Variants in TTLL5 observed in about 807,000 individuals in gnomAD.
TTLL5 encodes the protein tubulin polyglutamylase TTLL5.
Under a neutral mutation model 168.4 loss-of-function variants are expected in TTLL5, and 132 were observed. The ratio of observed to expected loss-of-function variants is 0.78; its 90% CI spans 0.68 to 0.91. TTLL5 has a LOEUF of 0.91. Ranked by LOEUF, TTLL5 falls within the 40% of genes least tolerant of loss-of-function variation. The probability of loss-of-function intolerance (pLI) is 0.00; values close to 1 mark genes in which losing one functional copy is unlikely to be tolerated. For missense variants in TTLL5, 1,545 were observed against 1,581.5 expected (o/e 0.98, Z 0.39); for synonymous variants, 546 against 558.6 (o/e 0.98, Z 0.32).
intron 28 of TTLL5, among the ~76,000 whole-genome samples, chr14:75,826,575 A>G (rs1245274227): frequency 6.6e-6 from 1 of 152,128 alleles, no homozygotes; most frequent in Non-Finnish European, 1.5e-5. Flanking sequence ...ATAATTTTGT[A>G]ACTCTACAAA....
At chr14:75,899,608 G>A (rs926546767) in intron 30 of TTLL5, among the ~76,000 whole-genome samples, 12 of 152,180 alleles carry the variant, frequency 7.9e-5, no homozygotes, top group African/African-American at 2.9e-4. Flanking sequence ...AGAAGCAGTA[G>A]AATCATTAGA....
rs1884794944 is a variant in TTLL5, at chr14:75,683,558, A to G, written c.273A>G (p.Pro91=). The change falls in exon 5 of 32, where the codon CCA becomes CCG. Residue 91 remains proline, a synonymous_variant. Transcript: ENST00000298832. The part of the protein sequence containing the change: ...LTAHGFHEVH[P]SSTDYNLMWT... ...TTTCTGTCTGCCCTCAGGTTCACCC[A>G]AGCAGCACTGACTATAACCTAATGT... 6.2e-7 allele frequency: 1 copy of G among 1,613,842 alleles called. No homozygotes were observed. Among genetic ancestry groups the G allele is most frequent in the Non-Finnish European group, 8.5e-7 (1 of 1,179,788 alleles).
chr14:75,792,592 G>A (rs890392610), intron 26 of TTLL5, among the ~76,000 whole-genome samples: 1 of 151,982 alleles, frequency 6.6e-6, no homozygotes. Flanking sequence ...TTTCAAATAT[G>A]TATTTTTTAT....
intron 30 of TTLL5, among the ~76,000 whole-genome samples, chr14:75,884,709 A>G (rs1283765888): frequency 1.3e-5 from 2 of 152,308 alleles, no homozygotes; most frequent in Non-Finnish European, 2.9e-5. Flanking sequence ...CTAAGTTAAT[A>G]CTAATAAAGA....
In TTLL5 at chr14:75,909,302, G is replaced by A. The variant is rs150373100; in HGVS notation, c.3823+7078G>A. Reference sequence around the variant, plus strand: ...TGCCCTAAAATCGTCTCAGGGCCAGGTACCAGGCAACTAGATACCATCCCT... The same window carrying A: ...TGCCCTAAAATCGTCTCAGGGCCAGATACCAGGCAACTAGATACCATCCCT... On this transcript the variant is annotated intron_variant, in intron 31 of 31. Transcript: ENST00000298832. Among the ~76,000 whole-genome samples the A allele has an allele frequency of 5.3e-3, 782 of 147,160 alleles. 6 individuals carry two copies. The highest frequency in any genetic ancestry group is 0.018 in the African/African-American group (728 of 39,492).
chr14:75,770,405 A>G (rs1891233905), intron 20 of TTLL5, among the ~76,000 whole-genome samples: 1 of 152,120 alleles, frequency 6.6e-6, no homozygotes, highest in African/African-American at 2.4e-5. Context: ...CCCTCTTAAG[A>G]TGTGCAGCTT....
At chr14:75,733,241 G>C (rs985841712) in intron 13 of TTLL5, among the ~76,000 whole-genome samples, 1 of 152,206 alleles carries the variant, frequency 6.6e-6, no homozygotes, top group African/African-American at 2.4e-5. Flanking sequence ...AGGTTGCCCA[G>C]TAAAGTATAT....
chr14:75,789,072 CATTAGGAAGAGAAGGAGATTCTCTTAAA>C (rs1892543900), intron 26 of TTLL5, among the ~76,000 whole-genome samples: 1 of 152,110 alleles, frequency 6.6e-6, no homozygotes, highest in African/African-American at 2.4e-5. Context: ...ACTCTCAGCT[CATTAGGAAGAGAAGGAGATTCTCTTAAA>C]AAAAGGGTAT....
intron 31 of TTLL5, among the ~76,000 whole-genome samples, chr14:75,942,289 TGTTTGTAGAAGCCTA>T (rs1409801410): frequency 2.0e-5 from 3 of 152,170 alleles, no homozygotes; most frequent in Non-Finnish European, 4.4e-5. Flanking sequence ...GGCCTTTTGT[TGTTTGTAGAAGCCTA>T]GTTTGTATTG....
intron 6 of TTLL5, among the ~76,000 whole-genome samples, chr14:75,696,337 G>T (rs532027821): frequency 7.9e-5 from 12 of 152,042 alleles, no homozygotes; most frequent in African/African-American, 2.9e-4. Context: ...AATACTGTGC[G>T]CCCCACACCT....
At chr14:75,698,655 C>G (rs1019801190) in intron 6 of TTLL5, among the ~76,000 whole-genome samples, 1 of 152,112 alleles carries the variant, frequency 6.6e-6, no homozygotes, top group Non-Finnish European at 1.5e-5. Context: ...GTAATTCCGG[C>G]GCTTTGGGAG....
chr14:75,715,445 A>G (rs898405209), intron 9 of TTLL5, among the ~76,000 whole-genome samples: 1 of 152,088 alleles, frequency 6.6e-6, no homozygotes, highest in African/African-American at 2.4e-5. Flanking sequence ...TTCAAGACTA[A>G]TGTGACCTGT....
At chr14:75,874,886 G>A (rs989689583) in intron 29 of TTLL5, among the ~76,000 whole-genome samples, 3 of 148,098 alleles carry the variant, frequency 2.0e-5, no homozygotes, top group Non-Finnish European at 3.0e-5. Context: ...AGATTTTGGG[G>A]GTGCTTTTCT....
chr14:75,739,296 A>G (rs1435027115), intron 15 of TTLL5, among the ~76,000 whole-genome samples: 1 of 152,016 alleles, frequency 6.6e-6, no homozygotes, highest in Non-Finnish European at 1.5e-5. Flanking sequence ...CCAGCTTTAT[A>G]CATGTTGAAT....
At chr14:75,677,390 C>CTTTT (rs11349214) in intron 3 of TTLL5, among the ~76,000 whole-genome samples, 26 of 78,338 alleles carry the variant, frequency 3.3e-4, no homozygotes, top group African/African-American at 5.4e-4. Flanking sequence ...CTCTCTCTCT[C>CTTTT]TTTTTTTTTT....
At chr14:75,902,669 C>G in intron 31 of TTLL5, 1 of 455,734 alleles carries the variant, frequency 2.2e-6, no homozygotes, top group South Asian at 1.6e-5. Context: ...GAGCTCTGGT[C>G]TTTGATCTAC....
intron 31 of TTLL5, chr14:75,930,753 T>A: frequency 1.9e-6 from 1 of 527,840 alleles, no homozygotes; most frequent in Non-Finnish European, 2.4e-6. Flanking sequence ...AGGCTAAGAT[T>A]AAGTTCTAAG....
chr14:75,925,076 GTCGGGCGGGGGGCTGACCCCCCAA>G (rs2033978115), intron 31 of TTLL5, among the ~76,000 whole-genome samples: 1 of 145,592 alleles, frequency 6.9e-6, no homozygotes, highest in Non-Finnish European at 1.5e-5. Context: ...GGGGCGGCTG[GTCGGGCGGGGGGCTGACCCCCCAA>G]CCTCCCTCCC....
intron 28 of TTLL5, among the ~76,000 whole-genome samples, chr14:75,843,069 G>A (rs929844695): frequency 2.0e-5 from 3 of 152,198 alleles, no homozygotes; most frequent in African/African-American, 7.2e-5. Context: ...AGAGCAGCCT[G>A]CCTGACCAGT....
Sources: gnomAD v4.1 joint callset for allele counts (sites outside exome capture counted in the v4.1 genomes callset) on GRCh38, gnomAD v4.1.1 for gene constraint, MANE v1.5 for transcripts, NCBI Gene and HGNC (gene_info 2026-07-23, HGNC 2026-07-21) for gene names.